The following POLA1 variants were observed in gnomAD, a reference collection of about 807,000 sequenced individuals.
POLA1 encodes the protein DNA polymerase alpha 1, catalytic subunit, also known as DNA polymerase alpha catalytic subunit.
In POLA1, 15 loss-of-function variants were observed where a neutral mutation model predicts 124.0. That is an observed-to-expected ratio of 0.12 (90% CI 0.08 to 0.19). The LOEUF (loss-of-function observed/expected upper bound fraction) is 0.19. Among genes scored for constraint, POLA1 ranks in the 10% least tolerant of loss-of-function variants. The pLI is 1.00. For missense variants in POLA1, 886 were observed against 1,103.4 expected (o/e 0.80, Z 2.79); for synonymous variants, 408 against 389.4 (o/e 1.05, Z -0.56).
intron 34 of POLA1, among the ~76,000 whole-genome samples, chrX:24,874,904 A>G (rs2046911348): frequency 8.9e-6 from 1 of 111,821 alleles, no homozygotes. Flanking sequence ...GGGTTAACAG[A>G]TGGGTTTTAT....
At chrX:24,919,865 G>GA (rs1174290239) in intron 35 of POLA1, among the ~76,000 whole-genome samples, 6 of 6,652 alleles carry the variant, frequency 9.0e-4, no homozygotes, top group African/African-American at 2.6e-3. Flanking sequence ...TTTTTTTTTT[G>GA]AGACAGAGTC....
At chrX:24,694,413 G>A (rs1315060556) in intron 1 of POLA1, among the ~76,000 whole-genome samples, 2 of 112,717 alleles carry the variant, frequency 1.8e-5, no homozygotes, top group Non-Finnish European at 3.7e-5. Flanking sequence ...GAACTTCCAG[G>A]AAAATTTTAT....
intron 26 of POLA1, among the ~76,000 whole-genome samples, chrX:24,789,639 T>A (rs1201949486): frequency 8.9e-6 from 1 of 111,810 alleles, no homozygotes; most frequent in Non-Finnish European, 1.9e-5. Flanking sequence ...ATTTTAGATC[T>A]TCTTTGCTGA....
rs184486369 is a variant in POLA1, at chrX:24,748,298, G to A, written c.2692-13G>A. The A allele has an allele frequency of 1.7e-6, 2 of 1,149,893 alleles. No homozygotes were observed. Among genetic ancestry groups the A allele is most frequent in the Admixed American group, 2.8e-5 (1 of 35,740 alleles). The allele number at this position is 1,149,893 out of a possible 1,213,427, so 94.8% of individuals were successfully genotyped here. A position where few individuals can be genotyped will look rare whatever the true frequency, so the allele number is the denominator to read the frequency against. ...AAGTTTGATTTGTGTGAAATTTGTTGTGTGTTTATCAGGATGGAGAACAAG... is the reference window on the plus strand; with the variant it reads ...AAGTTTGATTTGTGTGAAATTTGTTATGTGTTTATCAGGATGGAGAACAAG... On this transcript the variant is annotated splice_polypyrimidine_tract_variant and intron_variant, in intron 24 of 36. Transcript: ENST00000379068.
chrX:24,960,332 T>A (rs192356439), intron 36 of POLA1, among the ~76,000 whole-genome samples: 29 of 112,274 alleles, frequency 2.6e-4, no homozygotes, highest in African/African-American at 9.1e-4. Flanking sequence ...ACATTCCTAA[T>A]ACTCTGTTGA....
At chrX:24,747,115 G>C (rs1932045391) in intron 24 of POLA1, among the ~76,000 whole-genome samples, 1 of 109,172 alleles carries the variant, frequency 9.2e-6, no homozygotes, top group African/African-American at 3.3e-5. Flanking sequence ...GTATGTATTA[G>C]TTTTTAGAAA....
rs1425311662 is a variant in POLA1 at position 24,812,735 on chromosome X, G to A, written c.3168G>A (p.Leu1056=). ...IDGVFKSLLL[L]KKKKYAALVV... is the part of the protein sequence containing the mutation. ...GGGTTTTCAAGTCTCTGCTACTGCTGAAAAAAAAGAAGTACGCTGCTCTGG... is the reference window on the plus strand; with the variant it reads ...GGGTTTTCAAGTCTCTGCTACTGCTAAAAAAAAAGAAGTACGCTGCTCTGG... Residue 1056 remains leucine (L), a synonymous_variant, in exon 29 of 37, where the codon CTG becomes CTA. Transcript: ENST00000379068. 1.7e-6 allele frequency: 2 copies of A among 1,195,260 alleles called. No individual in the cohort carries two copies. Among genetic ancestry groups the A allele is most frequent in the African/African-American group, 3.5e-5 (2 of 56,689 alleles).
chrX:24,757,361 T>C (rs1328863943), intron 26 of POLA1, among the ~76,000 whole-genome samples: 1 of 110,491 alleles, frequency 9.1e-6, no homozygotes, highest in African/African-American at 3.3e-5. Flanking sequence ...AGAGCCTAGG[T>C]TCTTTTCATA....
intron 11 of POLA1, 106 bp from the exon 12 acceptor site, chrX:24,724,229 T>G (rs1352624000): frequency 2.2e-6 from 1 of 447,262 alleles, no homozygotes; most frequent in African/African-American, 2.5e-5. Context: ...AATGTTTAAA[T>G]GGGTGAGGAT....
At chrX:24,952,499 C>T (rs768481145) in intron 36 of POLA1, among the ~76,000 whole-genome samples, 138 of 111,527 alleles carry the variant, frequency 1.2e-3, no homozygotes, top group Non-Finnish European at 2.2e-3. Context: ...AATAAATAAG[C>T]CAGCATAGTT....
chrX:24,956,312 T>C (rs1197779129), intron 36 of POLA1, among the ~76,000 whole-genome samples: 2 of 108,693 alleles, frequency 1.8e-5, no homozygotes, highest in African/African-American at 3.3e-5. Flanking sequence ...CAACAAATTA[T>C]ATATACACAT....
At chrX:24,739,084 C>T (rs973901150) in intron 19 of POLA1, among the ~76,000 whole-genome samples, 7 of 111,273 alleles carry the variant, frequency 6.3e-5, no homozygotes, top group Non-Finnish European at 1.3e-4. Context: ...GCTGTTTTCC[C>T]ATTTTCCATC....
chrX:24,757,486 C>T (rs776007483), intron 26 of POLA1, among the ~76,000 whole-genome samples: 1 of 91,831 alleles, frequency 1.1e-5, no homozygotes, highest in East Asian at 3.2e-4. Flanking sequence ...GTTGCCCAGG[C>T]TGGAGTGCAG....
rs1931513796 is a variant in POLA1, at chrX:24,739,618, A to G, written c.2216+68A>G. 3.3e-5 allele frequency: 22 copies of G among 674,346 alleles called. 1 individual carries two copies. In the South Asian group the frequency reaches 6.4e-4, roughly 20 times the overall value. The allele number at this position is 674,346 out of a possible 1,213,427, so 55.6% of individuals were successfully genotyped here. A position where few individuals can be genotyped will look rare whatever the true frequency, so the allele number is the denominator to read the frequency against. ...ACAACAGCAGGACACTACTAGTACT[A>G]TCCTTAGTCTGGAGGGACATGAGCC... On this transcript the variant is annotated intron_variant, in intron 20 of 36. Transcript: ENST00000379068.
At chrX:24,783,498 T>C (rs1055763778) in intron 26 of POLA1, among the ~76,000 whole-genome samples, 1 of 112,125 alleles carries the variant, frequency 8.9e-6, no homozygotes, top group African/African-American at 3.2e-5. Context: ...TACTATAAAT[T>C]TTTGGCCTGA....
intron 36 of POLA1, among the ~76,000 whole-genome samples, chrX:24,993,450 A>G (rs951590127): frequency 8.9e-6 from 1 of 112,538 alleles, no homozygotes; most frequent in Non-Finnish European, 1.9e-5. Flanking sequence ...GTCGTTACTG[A>G]TAGGCTGACT....
intron 26 of POLA1, chrX:24,789,158 G>T: frequency 2.3e-6 from 2 of 855,026 alleles, no homozygotes; most frequent in Non-Finnish European, 3.4e-6. Context: ...GTCCTAGGCA[G>T]AGCAATTAGG....
intron 36 of POLA1, among the ~76,000 whole-genome samples, chrX:24,941,287 C>T (rs956260932): frequency 9.0e-6 from 1 of 111,614 alleles, no homozygotes; most frequent in African/African-American, 3.3e-5. Context: ...GCAAAGTGTT[C>T]ACTTAATCCT....
Position 24,745,373 on chromosome X carries a change from T to G in POLA1, c.2567-45T>G, listed in dbSNP as rs748461446. 4 of 1,017,010 alleles carry G rather than the reference T, an allele frequency of 3.9e-6. No individual in the cohort carries two copies. In the Admixed American group the frequency reaches 1.1e-4, roughly 29 times the overall value. 83.8% of individuals were successfully genotyped at this position (1,017,010 alleles called of 1,213,427 possible). ...CTTTTAATAATGATGTTTTGACAAT[T>G]CTGCTTTTCTTTAGACTTTTTATGA... On this transcript the variant is annotated intron_variant, in intron 23 of 36. Coordinates refer to ENST00000379068, the MANE Select transcript of POLA1 (RefSeq NM_001330360.2).
Sources: allele counts gnomAD v4.1 joint callset (sites outside exome capture counted in the v4.1 genomes callset), GRCh38; gene constraint gnomAD v4.1.1; transcripts MANE v1.5; gene names NCBI Gene and HGNC (gene_info 2026-07-23, HGNC 2026-07-21).